The following SLC25A47 variants were observed in gnomAD, a reference collection of about 807,000 sequenced individuals.
The protein encoded by SLC25A47 is HCC-down-regulated mitochondrial carrier protein.
In SLC25A47, 30 loss-of-function variants were observed where a neutral mutation model predicts 29.8. The ratio of observed to expected loss-of-function variants is 1.01; its 90% CI spans 0.75 to 1.36. The LOEUF is 1.36. SLC25A47 is among the 40% of genes most tolerant of loss of function. SLC25A47 has a pLI of 0.00. For missense variants in SLC25A47, 430 were observed against 441.9 expected (o/e 0.97, Z 0.24); for synonymous variants, 204 against 197.8 (o/e 1.03, Z -0.26).
At chr14:100,323,710 G>C (rs779926714) in intron 1 of SLC25A47, among the ~76,000 whole-genome samples, 3 of 152,036 alleles carry the variant, frequency 2.0e-5, no homozygotes, top group African/African-American at 7.3e-5. Flanking sequence ...CATGGGGGCC[G>C]CTCGGGAGGC....
intron 5 of SLC25A47, 101 bp from the exon 6 acceptor site, chr14:100,329,264 G>A: frequency 1.4e-6 from 2 of 1,415,626 alleles, no homozygotes; most frequent in Non-Finnish European, 9.5e-7. Flanking sequence ...CCTCTCCCAA[G>A]CCTGTTGCAA....
chr14:100,328,979 C>T lies in SLC25A47; in HGVS notation c.581C>T (p.Ala194Val), dbSNP rs1566825658. 7 of 1,601,810 alleles carry T rather than the reference C, an allele frequency of 4.4e-6. No individual in the cohort carries two copies. The highest frequency in any genetic ancestry group is 2.2e-5 in the East Asian group (1 of 44,862). The change falls in exon 5 of 6, where the codon GCC becomes GTC. Residue 194 changes from alanine to valine, a missense_variant. Physicochemically the swap from Ala to Val is moderately conservative, Grantham distance 64 (BLOSUM62 0). Coordinates refer to ENST00000361529, the MANE Select transcript of SLC25A47 (RefSeq NM_207117.4). ...GTCTTACGGGACGGCCACTCCTTTGCCACCTACTTCCTTTCCTACGCGGTC... is the reference window on the plus strand; with the variant it reads ...GTCTTACGGGACGGCCACTCCTTTGTCACCTACTTCCTTTCCTACGCGGTC... ...ALVLRDGHSF[A>V]TYFLSYAVLC...
intron 3 of SLC25A47, 43 bp downstream of exon 3, chr14:100,326,271 A>T (rs745753754): frequency 6.3e-7 from 1 of 1,576,262 alleles, no homozygotes; most frequent in Non-Finnish European, 8.7e-7. Context: ...CAGGGAGGGG[A>T]TGCTGGGCCT....
Position 100,329,027 on chromosome 14 carries a change from C to A in SLC25A47, c.629C>A (p.Ala210Asp). The change falls in exon 5 of 6, where the codon GCT (alanine) becomes GAT (aspartate). Residue 210 changes from alanine (A) to aspartate (D), a missense_variant. By Grantham distance (126) the Ala-to-Asp change is moderately radical. Coordinates refer to ENST00000361529, the MANE Select transcript of SLC25A47 (RefSeq NM_207117.4). ...GTCCTCTGCGAGTGGCTCAGCCCCG[C>A]TGGCCACAGCCGGCCAGGTGAGCAG... Reference protein sequence around the residue: ...YAVLCEWLSPAGHSRPDVPGV... With the variant: ...YAVLCEWLSPDGHSRPDVPGV... 1 of 1,599,286 alleles carries A rather than the reference C, an allele frequency of 6.3e-7. No individual in the cohort carries two copies. Among genetic ancestry groups the A allele is most frequent in the Non-Finnish European group, 8.5e-7 (1 of 1,179,658 alleles).
chr14:100,324,475 T>C (rs1321818930), intron 1 of SLC25A47, among the ~76,000 whole-genome samples: 2 of 152,322 alleles, frequency 1.3e-5, no homozygotes, highest in African/African-American at 4.8e-5. Context: ...TCCGCACGCC[T>C]CAGCCTCCCA....
intron 1 of SLC25A47, 140 bp downstream of exon 1, chr14:100,323,582 C>A: frequency 9.6e-7 from 1 of 1,038,726 alleles, no homozygotes; most frequent in Non-Finnish European, 1.4e-6. Context: ...GAGCAGAGAG[C>A]AGGTTCCTGG....
intron 4 of SLC25A47, among the ~76,000 whole-genome samples, chr14:100,328,112 ATT>A (rs33989395): frequency 1.4e-5 from 2 of 140,906 alleles, no homozygotes; most frequent in Non-Finnish European, 1.5e-5. Flanking sequence ...ATGTCTAGTG[ATT>A]TTTTTTTTTT....
At position 100,325,789 on chromosome 14, in the gene SLC25A47, C is replaced by A. The variant is rs35097172; in HGVS notation, c.30C>A (p.Gly10=). The part of the protein sequence containing the change: MDFVAGAIG[G]VCGVAVGYPL... ...CGTGGGCCTCTTCTTTCCTTGCAGG[C>A]GTCTGCGGTGTTGCTGTGGGCTACC... The change falls in exon 2 of 6, where the codon GGC becomes GGA. Residue 10 remains glycine, a splice_region_variant and synonymous_variant. Coordinates refer to ENST00000361529, the MANE Select transcript of SLC25A47 (RefSeq NM_207117.4). The A allele has an allele frequency of 1.2e-6, 2 of 1,611,842 alleles. No homozygotes were observed. The highest frequency in any genetic ancestry group is 2.2e-5 in the South Asian group (2 of 90,634).
intron 1 of SLC25A47, among the ~76,000 whole-genome samples, 188 bp from the exon 2 acceptor site, chr14:100,325,600 A>G (rs1893323633): frequency 1.3e-5 from 2 of 152,322 alleles, no homozygotes; most frequent in African/African-American, 2.4e-5. Flanking sequence ...CGGAGGCTCA[A>G]TTTCCTCATC....
At chr14:100,328,589 A>G in intron 4 of SLC25A47, 137 bp from the exon 5 acceptor site, 1 of 869,982 alleles carries the variant, frequency 1.1e-6, no homozygotes, top group Non-Finnish European at 1.8e-6. Flanking sequence ...GTGGCCCCCC[A>G]GCCCTGGGCC....
rs1167915765 is a variant in SLC25A47, at chr14:100,329,733, G to A, written c.*88G>A. On this transcript the variant is annotated 3_prime_UTR_variant, in exon 6 of 6. Coordinates refer to ENST00000361529, the MANE Select transcript of SLC25A47 (RefSeq NM_207117.4). ...GGCAAGGGGTAGTGTGGCTGGGTTC[G>A]GGACCCCACAGGGCCATTGCCCAGG... 14 of 1,503,752 alleles carry A rather than the reference G, an allele frequency of 9.3e-6. No individual in the cohort carries two copies. In the East Asian group the frequency reaches 2.3e-4, roughly 24 times the overall value. 93.2% of individuals were successfully genotyped at this position (1,503,752 alleles called of 1,614,324 possible).
chr14:100,328,610 G>A lies in SLC25A47; in HGVS notation c.328-116G>A, dbSNP rs1266916741. On this transcript the variant is annotated intron_variant, in intron 4 of 5. Coordinates refer to ENST00000361529, the MANE Select transcript of SLC25A47 (RefSeq NM_207117.4). Reference sequence around the variant, plus strand: ...CCCCAGCCCTGGGCCAGCCTGCAGGGTCTCGGGGCCCAACCTCCTGAGGTC... The same window carrying A: ...CCCCAGCCCTGGGCCAGCCTGCAGGATCTCGGGGCCCAACCTCCTGAGGTC... The A allele has an allele frequency of 4.5e-6, 5 of 1,109,502 alleles. No homozygotes were observed. In the African/African-American group the frequency reaches 6.2e-5, roughly 14 times the overall value. 68.7% of individuals were successfully genotyped at this position (1,109,502 alleles called of 1,614,324 possible). A position where few individuals can be genotyped will look rare whatever the true frequency, so the allele number is the denominator to read the frequency against.
At chr14:100,328,446 C>T (rs528588585) in intron 4 of SLC25A47, among the ~76,000 whole-genome samples, 2 of 152,342 alleles carry the variant, frequency 1.3e-5, no homozygotes, top group African/African-American at 2.4e-5. Context: ...TTACTAAATA[C>T]GTTCTTGAAC....
chr14:100,326,323 T>G, intron 3 of SLC25A47, 95 bp downstream of exon 3: 1 of 1,061,438 alleles, frequency 9.4e-7, no homozygotes, highest in Non-Finnish European at 1.4e-6. Context: ...CCCCGCTGGG[T>G]CTCAGCTCTC....
chr14:100,323,538 T>C (rs1893285402), intron 1 of SLC25A47, 96 bp downstream of exon 1: 1 of 1,447,230 alleles, frequency 6.9e-7, no homozygotes, highest in Admixed American at 1.8e-5. Flanking sequence ...CAGGGTGGGC[T>C]TTGAGGAGCC....
At chr14:100,326,480 G>A (rs184763031) in intron 3 of SLC25A47, among the ~76,000 whole-genome samples, 70 of 152,310 alleles carry the variant, frequency 4.6e-4, no homozygotes, top group Middle Eastern at 3.4e-3. Context: ...TTTGAAAGTC[G>A]GAGGAGGGAC....
At chr14:100,323,868 C>T (rs75109834) in intron 1 of SLC25A47, among the ~76,000 whole-genome samples, 1 of 152,192 alleles carries the variant, frequency 6.6e-6, no homozygotes, top group Admixed American at 6.5e-5. Context: ...AAGGGGCGGG[C>T]AGAGGACGGT....
At chr14:100,323,679 G>A (rs1893288323) in intron 1 of SLC25A47, among the ~76,000 whole-genome samples, 1 of 152,144 alleles carries the variant, frequency 6.6e-6, no homozygotes, top group African/African-American at 2.4e-5. Flanking sequence ...GGGCAGGCTG[G>A]GGATGGGGCT....
Position 100,329,602 on chromosome 14 carries a change from C to T in SLC25A47, c.884C>T (p.Ala295Val). 1 of 1,613,618 alleles carries T rather than the reference C, an allele frequency of 6.2e-7. No homozygotes were observed. Among genetic ancestry groups the T allele is most frequent in the African/African-American group, 1.3e-5 (1 of 75,064 alleles). Residue 295 changes from alanine to valine, a missense_variant, in exon 6 of 6, where the codon GCC becomes GTC. Physicochemically the swap from Ala to Val is moderately conservative, Grantham distance 64. Coordinates refer to ENST00000361529, the MANE Select transcript of SLC25A47 (RefSeq NM_207117.4). Reference sequence around the variant, plus strand: ...CCTGTCAACATGGTGGTCTTCGTCGCCTATGAGGCAGTGCTGAGGCTCGCC... The same window carrying T: ...CCTGTCAACATGGTGGTCTTCGTCGTCTATGAGGCAGTGCTGAGGCTCGCC... ...AFPVNMVVFV[A>V]YEAVLRLARG...
Sources: allele counts gnomAD v4.1 joint callset (sites outside exome capture counted in the v4.1 genomes callset), GRCh38; gene constraint gnomAD v4.1.1; transcripts MANE v1.5; gene names NCBI Gene and HGNC (gene_info 2026-07-23, HGNC 2026-07-21).